ADAMTS6: variants seen among roughly 807,000 people sequenced by gnomAD.
The protein encoded by ADAMTS6 is ADAM metallopeptidase with thrombospondin type 1 motif 6, also known as A disintegrin and metalloproteinase with thrombospondin motifs 6.
In ADAMTS6, 23 loss-of-function variants were observed where a neutral mutation model predicts 144.3. The observed-to-expected ratio is 0.16, with a 90% CI of 0.11 to 0.23. The LOEUF is 0.23. Among genes scored for constraint, ADAMTS6 ranks in the 10% least tolerant of loss-of-function variants. The pLI is 1.00. For synonymous variants in ADAMTS6, 444 were observed against 457.5 expected (o/e 0.97, Z 0.38); for missense variants, 999 against 1,379.6 (o/e 0.72, Z 4.37).
chr5:65,175,934 A>T (rs1753949712), intron 22 of ADAMTS6, among the ~76,000 whole-genome samples: 1 of 152,192 alleles, frequency 6.6e-6, no homozygotes, highest in African/African-American at 2.4e-5. Context: ...GGTCTTATTA[A>T]TAGCAAAGGA....
chr5:65,293,289 A>T (rs1742499685), intron 10 of ADAMTS6, among the ~76,000 whole-genome samples: 2 of 151,988 alleles, frequency 1.3e-5, no homozygotes, highest in Admixed American at 1.3e-4. Context: ...AAATAAAATA[A>T]CAAGTTAAGT....
chr5:65,273,518 C>T, intron 11 of ADAMTS6, 71 bp from the exon 12 acceptor site: 1 of 1,247,172 alleles, frequency 8.0e-7, no homozygotes, highest in Admixed American at 1.7e-5. Context: ...AATACACTTA[C>T]AGTCACTCTG....
At chr5:65,446,321 C>G (rs1758268147) in intron 7 of ADAMTS6, among the ~76,000 whole-genome samples, 1 of 152,024 alleles carries the variant, frequency 6.6e-6, no homozygotes, top group Non-Finnish European at 1.5e-5. Context: ...AACAATAAAC[C>G]ATTTTTATAG....
intron 7 of ADAMTS6, 173 bp downstream of exon 7, chr5:65,451,302 T>C: frequency 3.4e-6 from 2 of 596,052 alleles, no homozygotes; most frequent in Non-Finnish European, 5.4e-6. Context: ...ATTTGGTTCA[T>C]TTGATGCAAA....
chr5:65,443,709 AC>A (rs1425526241), intron 7 of ADAMTS6, among the ~76,000 whole-genome samples: 2 of 151,638 alleles, frequency 1.3e-5, no homozygotes, highest in Non-Finnish European at 2.9e-5. Context: ...AAAAAGATAA[AC>A]TATATGATTA....
At chr5:65,251,968 TG>T (rs1278582958) in intron 14 of ADAMTS6, among the ~76,000 whole-genome samples, 3 of 152,168 alleles carry the variant, frequency 2.0e-5, no homozygotes, top group African/African-American at 7.2e-5. Context: ...CTTAAGTGTT[TG>T]GGGTAGAAAT....
chr5:65,300,631 TTTC>T (rs1263488157), intron 9 of ADAMTS6, among the ~76,000 whole-genome samples: 2 of 151,394 alleles, frequency 1.3e-5, no homozygotes, highest in Non-Finnish European at 1.5e-5. Flanking sequence ...CCTTTTTCTT[TTTC>T]TTTCTTTTTT....
In ADAMTS6 at chr5:65,275,353, GAGAAAGAAAGAAAGAAAGAAAGAA is replaced by G. The variant is rs71693940; in HGVS notation, c.1513-1930_1513-1907del. On this transcript the variant is annotated intron_variant, in intron 11 of 24. Coordinates refer to ENST00000381055, the MANE Select transcript of ADAMTS6 (RefSeq NM_197941.4). The stretch of plus-strand genomic sequence containing the variant: ...CAGAGAGAAATGAAGAAAGAAAGAA[GAGAAAGAAAGAAAGAAAGAAAGAA>G]AGAAAGAAAGAAAGAAAGAAAGAAA... Among the ~76,000 whole-genome samples, 543 of 87,182 alleles carry G rather than the reference GAGAAAGAAAGAAAGAAAGAAAGAA, an allele frequency of 6.2e-3. 3 individuals are homozygous for G. Among genetic ancestry groups the G allele is most frequent in the African/African-American group, 0.014 (303 of 21,886 alleles). 57.2% of individuals were successfully genotyped at this position (87,182 alleles called of 152,430 possible). A position where few individuals can be genotyped will look rare whatever the true frequency, so the allele number is the denominator to read the frequency against.
At chr5:65,185,536 C>G (rs562362758) in intron 22 of ADAMTS6, among the ~76,000 whole-genome samples, 1 of 152,354 alleles carries the variant, frequency 6.6e-6, no homozygotes, top group African/African-American at 2.4e-5. Flanking sequence ...GTGGTCCCCA[C>G]ATGTGTACTC....
At chr5:65,190,314 T>C (rs1754931036) in intron 21 of ADAMTS6, among the ~76,000 whole-genome samples, 2 of 152,200 alleles carry the variant, frequency 1.3e-5, no homozygotes, top group Non-Finnish European at 1.5e-5. Flanking sequence ...GTAATTTTCA[T>C]ATTCTTTCCT....
chr5:65,183,578 A>G (rs1407003623), intron 22 of ADAMTS6, among the ~76,000 whole-genome samples: 1 of 152,030 alleles, frequency 6.6e-6, no homozygotes, highest in Non-Finnish European at 1.5e-5. Flanking sequence ...CCTGTGGATA[A>G]GGGGGGACTA....
intron 7 of ADAMTS6, among the ~76,000 whole-genome samples, chr5:65,393,075 T>A (rs1297605735): frequency 6.6e-6 from 1 of 152,176 alleles, no homozygotes; most frequent in African/African-American, 2.4e-5. Context: ...GCAAGCCAAC[T>A]TTGAAAATTA....
chr5:65,237,505 T>A (rs1352239714), intron 15 of ADAMTS6, among the ~76,000 whole-genome samples: 1 of 151,718 alleles, frequency 6.6e-6, no homozygotes, highest in Admixed American at 6.6e-5. Context: ...AAAGAAAATA[T>A]CAAGCCTGGC....
At chr5:65,381,361 A>T (rs895808601) in intron 7 of ADAMTS6, among the ~76,000 whole-genome samples, 1 of 149,626 alleles carries the variant, frequency 6.7e-6, no homozygotes, top group African/African-American at 2.5e-5. Context: ...ATGAAGGATT[A>T]TATCTTTTTT....
intron 7 of ADAMTS6, among the ~76,000 whole-genome samples, chr5:65,381,166 C>G (rs1401152677): frequency 6.6e-6 from 1 of 152,264 alleles, no homozygotes; most frequent in Middle Eastern, 3.4e-3. Context: ...ATGATTCTCT[C>G]TCTTTGTCTC....
intron 8 of ADAMTS6, among the ~76,000 whole-genome samples, chr5:65,330,350 T>C (rs543960074): frequency 6.0e-4 from 91 of 152,250 alleles, no homozygotes; most frequent in Non-Finnish European, 2.5e-4. Flanking sequence ...AAAGCAAAAA[T>C]GTCATCTCTT....
At chr5:65,234,465 C>A (rs1758518294) in intron 15 of ADAMTS6, among the ~76,000 whole-genome samples, 1 of 146,748 alleles carries the variant, frequency 6.8e-6, no homozygotes, top group African/African-American at 2.5e-5. Context: ...TTTTTTTTCC[C>A]AAAGAAGAGA....
intron 21 of ADAMTS6, among the ~76,000 whole-genome samples, chr5:65,188,596 C>T (rs1032820711): frequency 2.7e-4 from 41 of 152,288 alleles, no homozygotes; most frequent in East Asian, 3.9e-4. Flanking sequence ...TAACCACTGG[C>T]TCCCTATGGC....
chr5:65,398,937 T>A (rs1314147926), intron 7 of ADAMTS6, among the ~76,000 whole-genome samples: 1 of 152,070 alleles, frequency 6.6e-6, no homozygotes, highest in Non-Finnish European at 1.5e-5. Context: ...CCAATTACTT[T>A]TAATCTATAT....
Sources: allele counts gnomAD v4.1 joint callset (sites outside exome capture counted in the v4.1 genomes callset), GRCh38; gene constraint gnomAD v4.1.1; transcripts MANE v1.5; gene names NCBI Gene and HGNC (gene_info 2026-07-23, HGNC 2026-07-21).